RAD50: variants seen among roughly 807,000 people sequenced by gnomAD.
RAD50 encodes DNA repair protein RAD50.
Under a neutral mutation model 168.8 loss-of-function variants are expected in RAD50, and 132 were observed. That is an observed-to-expected ratio of 0.78 (90% confidence interval 0.68 to 0.90). The LOEUF (loss-of-function observed/expected upper bound fraction) is 0.90, where lower values mean the gene tolerates loss of function less well. Ranked by LOEUF, RAD50 falls within the 40% of genes least tolerant of loss-of-function variation. The pLI, the probability that RAD50 is intolerant of heterozygous loss-of-function variation, is 0.00. For synonymous variants in RAD50, 525 were observed against 497.4 expected (o/e 1.06, Z -0.74); for missense variants, 1,347 against 1,534.4 (o/e 0.88, Z 2.04).
intron 21 of RAD50, among the ~76,000 whole-genome samples, chr5:132,634,566 C>T (rs761067516): frequency 1.3e-5 from 2 of 151,862 alleles, no homozygotes; most frequent in Non-Finnish European, 2.9e-5. Context: ...ATCGTGAAAT[C>T]CCTGAATCGT....
chr5:132,627,061 A>G (rs146380238), intron 21 of RAD50, among the ~76,000 whole-genome samples: 3,689 of 152,170 alleles, frequency 0.024, 112 homozygotes, highest in African/African-American at 0.077. Flanking sequence ...TTGTATTTTT[A>G]GTAGAAACGA....
Position 132,644,916 on chromosome 5 carries a change from A to C in RAD50, c.*2552A>C, listed in dbSNP as rs1241614129. ...CTCCCAAGTAGCTAGGATTACAGGC[A>C]TGTACCACCACACCAGGCTAATTTT... On this transcript the variant is annotated 3_prime_UTR_variant, in exon 25 of 25. Coordinates refer to ENST00000378823, the MANE Select transcript of RAD50 (RefSeq NM_005732.4). 1 of 152,328 alleles carries C rather than the reference A, an allele frequency of 6.6e-6. No individual in the cohort carries two copies. 9.4% of individuals were successfully genotyped at this position (152,328 alleles called of 1,614,324 possible).
Position 132,557,368 on chromosome 5 carries a change from T to A in RAD50, c.44T>A (p.Phe15Tyr). 1 of 1,614,132 alleles carries A rather than the reference T, an allele frequency of 6.2e-7. No homozygotes were observed. Among genetic ancestry groups the A allele is most frequent in the East Asian group, 2.2e-5 (1 of 44,886 alleles). The change falls in exon 1 of 25, where the codon TTT (phenylalanine) becomes TAT (tyrosine). Residue 15 changes from phenylalanine (F) to tyrosine (Y), a missense_variant. Transcript: ENST00000378823. Reference sequence around the variant, plus strand: ...ATGAGCATTCTGGGCGTGCGGAGTTTTGGAATAGAGGACAAAGATAAGCAA... The same window carrying A: ...ATGAGCATTCTGGGCGTGCGGAGTTATGGAATAGAGGACAAAGATAAGCAA... Reference protein sequence around the residue: ...EKMSILGVRSFGIEDKDKQII... With the variant: ...EKMSILGVRSYGIEDKDKQII...
rs1561662380 is a variant in RAD50, at chr5:132,642,989, T to TACATATCCCTTCCAG, written c.*627_*641dup. The TACATATCCCTTCCAG allele has an allele frequency of 1.9e-6, 1 of 527,318 alleles. No homozygotes were observed. The highest frequency in any genetic ancestry group is 3.8e-6 in the Non-Finnish European group (1 of 261,018). 32.7% of individuals were successfully genotyped at this position (527,318 alleles called of 1,614,324 possible). A position where few individuals can be genotyped will look rare whatever the true frequency, so the allele number is the denominator to read the frequency against. ...GTCAGTACCCACCACCTTCTTCTCC[T>TACATATCCCTTCCAG]ACATATCCCTTCCAGATGGTCATCC... On this transcript the variant is annotated 3_prime_UTR_variant, in exon 25 of 25. Coordinates refer to ENST00000378823, the MANE Select transcript of RAD50 (RefSeq NM_005732.4).
Position 132,640,657 on chromosome 5 carries a change from G to A in RAD50, c.3619-15G>A, listed in dbSNP as rs773550133. 12 of 1,614,144 alleles carry A rather than the reference G, an allele frequency of 7.4e-6. No homozygotes were observed. Among genetic ancestry groups the A allele is most frequent in the Admixed American group, 1.7e-5 (1 of 60,020 alleles). ...AGGTCTGTGCTGGGCTTCTCACATA[G>A]GGGCTTTTTTCCAGGTATTAGCCTC... On this transcript the variant is annotated splice_polypyrimidine_tract_variant and intron_variant, in intron 23 of 24. Coordinates refer to ENST00000378823, the MANE Select transcript of RAD50 (RefSeq NM_005732.4).
chr5:132,638,114 A>G lies in RAD50; in HGVS notation c.3509A>G (p.Asp1170Gly). Residue 1170 changes from aspartate to glycine, a missense_variant, in exon 23 of 25, where the codon GAT becomes GGT. This residue lies in a region of RAD50 where 635 missense variants were observed against 739.2 expected (regional missense o/e 0.86). Transcript: ENST00000378823. ...IEYIEIRSDA[D>G]ENVSASDKRR... ...TACATAGAAATACGGTCTGATGCCG[A>G]TGAAAATGTATCAGCTTCTGATAAA... is the stretch of plus-strand genomic sequence containing the variant. 1 of 1,614,152 alleles carries G rather than the reference A, an allele frequency of 6.2e-7. No individual in the cohort carries two copies. Among genetic ancestry groups the G allele is most frequent in the Non-Finnish European group, 8.5e-7 (1 of 1,179,980 alleles).
At chr5:132,602,809 G>A (rs1561644696) in intron 13 of RAD50, among the ~76,000 whole-genome samples, 1 of 152,080 alleles carries the variant, frequency 6.6e-6, no homozygotes. Flanking sequence ...AGGATCCCAC[G>A]TAGCATCTAG....
chr5:132,576,071 TTTGGGTTTATAGCAAAA>T (rs1365969042), intron 3 of RAD50, 143 bp downstream of exon 3: 9 of 898,500 alleles, frequency 1.0e-5, no homozygotes, highest in Non-Finnish European at 1.4e-5. Context: ...TTAGAGCAGT[TTTGGGTTTATAGCAAAA>T]TTGGGCAGAA....
chr5:132,636,533 A>G (rs1309459882), intron 21 of RAD50, among the ~76,000 whole-genome samples: 2 of 152,242 alleles, frequency 1.3e-5, no homozygotes, highest in Non-Finnish European at 2.9e-5. Context: ...CAAAGCTTCC[A>G]GTTGGTAAAA....
In RAD50 at chr5:132,642,305, G is replaced by A. The variant is rs587782339; in HGVS notation, c.3880G>A (p.Asp1294Asn). 2.2e-5 allele frequency: 36 copies of A among 1,613,806 alleles called. No individual in the cohort carries two copies. Among genetic ancestry groups the A allele is most frequent in the African/African-American group, 1.2e-4 (9 of 74,908 alleles). The change falls in exon 25 of 25, where the codon GAT becomes AAT. Residue 1294 changes from aspartate (D) to asparagine (N), a missense_variant. By Grantham distance (23) the Asp-to-Asn change is conservative. This residue lies in a region of RAD50 where 635 missense variants were observed against 739.2 expected (regional missense o/e 0.86). Transcript: ENST00000378823. ...EKFYRIKKNIDQCSEIVKCSV... is the reference protein window; with the variant it reads ...EKFYRIKKNINQCSEIVKCSV... The stretch of plus-strand genomic sequence containing the variant: ...ATTCTACAGGATTAAAAAGAACATC[G>A]ATCAGTGCTCAGAGATTGTGAAATG...
intron 21 of RAD50, among the ~76,000 whole-genome samples, chr5:132,626,524 G>C (rs1434452157): frequency 2.0e-5 from 3 of 152,090 alleles, no homozygotes; most frequent in Non-Finnish European, 4.4e-5. Context: ...GCTCAGAGGC[G>C]ATTTAGTCCA....
chr5:132,585,336 A>G (rs1750577818), intron 5 of RAD50, among the ~76,000 whole-genome samples: 2 of 152,110 alleles, frequency 1.3e-5, no homozygotes, highest in South Asian at 4.1e-4. Context: ...CCCACTTAGT[A>G]CTGTCAGTCT....
At chr5:132,582,951 A>G (rs1465314121) in intron 5 of RAD50, among the ~76,000 whole-genome samples, 1 of 152,222 alleles carries the variant, frequency 6.6e-6, no homozygotes, top group African/African-American at 2.4e-5. Context: ...TAAGGAATGA[A>G]GCAGGTAGAG....
rs1415243176 is a variant in RAD50, at chr5:132,557,245, T to A, written c.-80T>A. ...GACCCTGAGATTCGCGGGTCTCACG[T>A]CCCGTGCACGCCTTGCTTCGGCCTC... On this transcript the variant is annotated 5_prime_UTR_variant, in exon 1 of 25. Transcript: ENST00000378823. 1 of 1,561,824 alleles carries A rather than the reference T, an allele frequency of 6.4e-7. No individual in the cohort carries two copies. Among genetic ancestry groups the A allele is most frequent in the African/African-American group, 1.4e-5 (1 of 73,824 alleles).
At chr5:132,619,853 A>ATATATAGAG (rs1751251201) in intron 21 of RAD50, among the ~76,000 whole-genome samples, 1 of 108,846 alleles carries the variant, frequency 9.2e-6, no homozygotes, top group Non-Finnish European at 1.9e-5. Context: ...TATATATATA[A>ATATATAGAG]AGATATATAT....
chr5:132,611,622 C>T (rs955814578), intron 19 of RAD50, among the ~76,000 whole-genome samples: 3 of 147,026 alleles, frequency 2.0e-5, no homozygotes, highest in African/African-American at 5.0e-5. Flanking sequence ...AGGAGAATGG[C>T]GTGAACCTGG....
chr5:132,577,208 T>C (rs1335719012), intron 3 of RAD50, among the ~76,000 whole-genome samples: 1 of 152,240 alleles, frequency 6.6e-6, no homozygotes, highest in East Asian at 1.9e-4. Context: ...CCTCTTACTC[T>C]GTCTTCAAAG....
In RAD50 at chr5:132,588,670, G is replaced by T. The variant is rs1403191193; in HGVS notation, c.1052-17G>T. 5 of 1,604,320 alleles carry T rather than the reference G, an allele frequency of 3.1e-6. No homozygotes were observed. Among genetic ancestry groups the T allele is most frequent in the African/African-American group, 2.7e-5 (2 of 74,290 alleles). On this transcript the variant is annotated splice_polypyrimidine_tract_variant and intron_variant, in intron 7 of 24. Coordinates refer to ENST00000378823, the MANE Select transcript of RAD50 (RefSeq NM_005732.4). The stretch of plus-strand genomic sequence containing the variant: ...GCACCAGTTGAAAAAAAAATTATGA[G>T]ATTTTTTTTTTAAAAGGTCGTCTAC...
At chr5:132,571,717 CAAAA>C (rs1750310015) in intron 2 of RAD50, among the ~76,000 whole-genome samples, 1 of 150,312 alleles carries the variant, frequency 6.7e-6, no homozygotes, top group African/African-American at 2.5e-5. Flanking sequence ...GACCCTGTCT[CAAAA>C]AAATAAATAA....
Sources: allele counts gnomAD v4.1 joint callset (sites outside exome capture counted in the v4.1 genomes callset), GRCh38; gene constraint gnomAD v4.1.1; regional missense constraint gnomAD v4.1.1; transcripts MANE v1.5; gene names NCBI Gene and HGNC (gene_info 2026-07-23, HGNC 2026-07-21).